The following OGDHL variants were observed in gnomAD, a reference collection of about 807,000 sequenced individuals.
OGDHL encodes the protein oxoglutarate dehydrogenase L, also known as 2-oxoglutarate dehydrogenase-like, mitochondrial.
A neutral mutation model predicts 109.6 loss-of-function variants in OGDHL; 79 were observed. That is an observed-to-expected ratio of 0.72 (90% CI 0.60 to 0.87). The LOEUF (loss-of-function observed/expected upper bound fraction) is 0.87. Among genes scored for constraint, OGDHL ranks in the 40% least tolerant of loss-of-function variants. The pLI, the probability that OGDHL is intolerant of heterozygous loss-of-function variation, is 0.00. For synonymous variants in OGDHL, 528 were observed against 537.2 expected (o/e 0.98, Z 0.24); for missense variants, 1,275 against 1,362.2 (o/e 0.94, Z 1.01).
In OGDHL at chr10:49,748,648, G is replaced by A. The variant is rs12258175; in HGVS notation, c.987+1078C>T. On this transcript the variant is annotated intron_variant, in intron 8 of 22. Transcript: ENST00000374103. ...GCATGCGCTTTTATCCCTGTTTTAT[G>A]GAAGAGCAAAGTGAGGCTTAGAAGG... is the stretch of plus-strand genomic sequence containing the variant. Among the ~76,000 whole-genome samples, 268 of 151,778 alleles carry A rather than the reference G, an allele frequency of 1.8e-3. 3 individuals are homozygous for A. The highest frequency in any genetic ancestry group is 6.4e-3 in the African/African-American group (263 of 41,330).
rs952586899 is a variant in OGDHL at position 49,755,034 on chromosome 10, A to G, written c.375+1742T>C. ...CAAGGCGGGCAGATCACTTGAGGTC[A>G]GGAATTCAAGACCAGCCTGGCCAAC... On this transcript the variant is annotated intron_variant, in intron 3 of 22. Coordinates refer to ENST00000374103, the MANE Select transcript of OGDHL (RefSeq NM_018245.3). Among the ~76,000 whole-genome samples the G allele has an allele frequency of 3.3e-5, 5 of 152,218 alleles. No individual in the cohort carries two copies. The South Asian group carries it at 1.0e-3, about 31-fold the overall frequency.
intron 3 of OGDHL, among the ~76,000 whole-genome samples, chr10:49,756,396 C>T (rs1842916574): frequency 6.6e-6 from 1 of 152,200 alleles, no homozygotes; most frequent in Non-Finnish European, 1.5e-5. Context: ...CCTGCTGTAT[C>T]AGTCCCTGTT....
intron 3 of OGDHL, 123 bp from the exon 4 acceptor site, chr10:49,752,863 T>C (rs1842697559): frequency 1.5e-6 from 1 of 677,644 alleles, no homozygotes; most frequent in Non-Finnish European, 2.5e-6. Flanking sequence ...CCCATGTCTC[T>C]GCCCCGCGGC....
chr10:49,748,742 C>CCACACACACACA (rs3223401), intron 8 of OGDHL, among the ~76,000 whole-genome samples: 1,840 of 133,884 alleles, frequency 0.014, 25 homozygotes, highest in African/African-American at 0.031. Flanking sequence ...AGGTATGGGT[C>CCACACACACACA]CACACACACA....
chr10:49,740,945 C>T (rs1841609002), intron 15 of OGDHL, 108 bp from the exon 16 acceptor site: 1 of 1,389,088 alleles, frequency 7.2e-7, no homozygotes, highest in African/African-American at 1.4e-5. Flanking sequence ...CCGTCACTGT[C>T]CCAGGAAACC....
At chr10:49,758,639 C>T (rs1588812355) in intron 1 of OGDHL, 46 bp from the exon 2 acceptor site, 5 of 1,582,812 alleles carry the variant, frequency 3.2e-6, no homozygotes, top group Non-Finnish European at 4.3e-6. Flanking sequence ...AGGACCAAGA[C>T]AGGAAGAGGC....
chr10:49,738,234 T>C lies in OGDHL; in HGVS notation c.2348A>G (p.Glu783Gly), dbSNP rs966616442. The stretch of plus-strand genomic sequence containing the variant: ...ATCATTGCTCATCTGCAGGAACCTT[T>C]CGGGCCTCGCTGACGAGTGCTCTGG... ...MGPEHSSARP[E>G]RFLQMSNDDS... The change falls in exon 18 of 23, where the codon GAA becomes GGA. Residue 783 changes from glutamate to glycine, a missense_variant. Coordinates refer to ENST00000374103, the MANE Select transcript of OGDHL (RefSeq NM_018245.3). 3 of 1,613,594 alleles carry C rather than the reference T, an allele frequency of 1.9e-6. No individual in the cohort carries two copies. The highest frequency in any genetic ancestry group is 2.5e-6 in the Non-Finnish European group (3 of 1,180,020).
chr10:49,740,775 T>C lies in OGDHL; in HGVS notation c.2075A>G (p.His692Arg). 1 of 1,613,880 alleles carries C rather than the reference T, an allele frequency of 6.2e-7. No homozygotes were observed. Among genetic ancestry groups the C allele is most frequent in the Non-Finnish European group, 8.5e-7 (1 of 1,179,836 alleles). ...VDRRTCVPMN[H>R]LWPDQAPYTV... ...GTACGGGGCCTGGTCAGGCCAGAGA[T>C]GATTCATAGGCACACACGTCCTGCG... is the stretch of plus-strand genomic sequence containing the variant. Residue 692 changes from histidine to arginine, a missense_variant, in exon 16 of 23, where the codon CAT (histidine) becomes CGT (arginine). Coordinates refer to ENST00000374103, the MANE Select transcript of OGDHL (RefSeq NM_018245.3).
chr10:49,742,800 T>C (rs1313254158), intron 15 of OGDHL, 28 bp downstream of exon 15: 6 of 1,602,950 alleles, frequency 3.7e-6, no homozygotes, highest in Middle Eastern at 1.7e-4. Flanking sequence ...AGGTCTCCTG[T>C]GCGGATGCTG....
intron 22 of OGDHL, 74 bp downstream of exon 22, chr10:49,735,949 G>T: frequency 6.8e-7 from 1 of 1,469,992 alleles, no homozygotes; most frequent in Non-Finnish European, 9.0e-7. Flanking sequence ...GGGTAGCATG[G>T]CCTATGGGAC....
Position 49,734,922 on chromosome 10 carries a change from C to A in OGDHL, c.*306G>T. 1 of 216,678 alleles carries A rather than the reference C, an allele frequency of 4.6e-6. No homozygotes were observed. Among genetic ancestry groups the A allele is most frequent in the East Asian group, 1.1e-4 (1 of 9,104 alleles). 13.4% of individuals were successfully genotyped at this position (216,678 alleles called of 1,614,324 possible). On this transcript the variant is annotated 3_prime_UTR_variant, in exon 23 of 23. Transcript: ENST00000374103. ...GGATGGGAGCGGCCACAGACACAGGCCCCCGGGTGTCTGTCTTGAGATACA... is the reference window on the plus strand; with the variant it reads ...GGATGGGAGCGGCCACAGACACAGGACCCCGGGTGTCTGTCTTGAGATACA...
intron 18 of OGDHL, 51 bp from the exon 19 acceptor site, chr10:49,738,123 C>A: frequency 1.2e-6 from 2 of 1,614,022 alleles, no homozygotes; most frequent in Non-Finnish European, 1.7e-6. Context: ...TGCACCCACA[C>A]CCTGGACCCC....
intron 3 of OGDHL, 49 bp downstream of exon 3, chr10:49,756,727 C>T (rs757974735): frequency 4.5e-6 from 7 of 1,560,118 alleles, no homozygotes; most frequent in Non-Finnish European, 6.1e-6. Flanking sequence ...CCTGGCCACA[C>T]CCCAGGAGCC....
chr10:49,755,453 A>C (rs914076103), intron 3 of OGDHL, among the ~76,000 whole-genome samples: 4 of 152,196 alleles, frequency 2.6e-5, no homozygotes, highest in Non-Finnish European at 5.9e-5. Flanking sequence ...AGCGGGGGCT[A>C]AGGGGGAAAT....
In OGDHL at chr10:49,751,982, C is replaced by T; in HGVS notation, c.595-1G>A. On this transcript the variant is annotated splice_acceptor_variant, in intron 5 of 22. Transcript: ENST00000374103. LOFTEE classifies it high-confidence loss of function. ...GGCCAATGTGCTGGCAGTAGGTGTT[C>T]TGGGGAGACACATTGGGACCCCATG... 1 of 1,614,124 alleles carries T rather than the reference C, an allele frequency of 6.2e-7. No homozygotes were observed. Among genetic ancestry groups the T allele is most frequent in the Non-Finnish European group, 8.5e-7 (1 of 1,180,008 alleles).
Position 49,746,757 on chromosome 10 carries a change from T to C in OGDHL, c.1289A>G (p.Asn430Ser). 1 of 1,614,096 alleles carries C rather than the reference T, an allele frequency of 6.2e-7. No homozygotes were observed. Among genetic ancestry groups the C allele is most frequent in the Non-Finnish European group, 8.5e-7 (1 of 1,179,992 alleles). Residue 430 changes from asparagine to serine, a missense_variant, in exon 10 of 23, where the codon AAC becomes AGC. Transcript: ENST00000374103. ...TTNGTVHVVV[N>S]NQIGFTTDPR... ...TGGAGCCTACATGCTCACCTGGTTG[T>C]TGACGACGACGTGCACGGTACCATT...
At chr10:49,735,472 CTG>C in intron 22 of OGDHL, 121 bp from the exon 23 acceptor site, 1 of 1,219,390 alleles carries the variant, frequency 8.2e-7, no homozygotes, top group Non-Finnish European at 1.1e-6. Flanking sequence ...GCCATAGACC[CTG>C]CCTTTTGGCC....
intron 3 of OGDHL, among the ~76,000 whole-genome samples, chr10:49,753,373 T>C (rs1842729942): frequency 6.6e-6 from 1 of 152,186 alleles, no homozygotes; most frequent in Non-Finnish European, 1.5e-5. Context: ...TTATCTTACT[T>C]TGAAGATTTG....
rs777064432 is a variant in OGDHL at position 49,738,213 on chromosome 10, T to G, written c.2369A>C (p.Asn790Thr). 1 of 1,613,856 alleles carries G rather than the reference T, an allele frequency of 6.2e-7. No individual in the cohort carries two copies. The highest frequency in any genetic ancestry group is 8.5e-7 in the Non-Finnish European group (1 of 1,180,026). The change falls in exon 18 of 23, where the codon AAT becomes ACT. Residue 790 changes from asparagine (N) to threonine (T), a missense_variant. Transcript: ENST00000374103. ...ARPERFLQMSNDDSDAYPAFT... is the reference protein window; with the variant it reads ...ARPERFLQMSTDDSDAYPAFT... The stretch of plus-strand genomic sequence containing the variant: ...CACAGGGTAGGCATCCGAGTCATCA[T>G]TGCTCATCTGCAGGAACCTTTCGGG...
Sources: gnomAD v4.1 joint callset for allele counts (sites outside exome capture counted in the v4.1 genomes callset) on GRCh38, gnomAD v4.1.1 for gene constraint, MANE v1.5 for transcripts, NCBI Gene and HGNC (gene_info 2026-07-23, HGNC 2026-07-21) for gene names.